ESRRG: variants seen among roughly 807,000 people sequenced by gnomAD.
ESRRG encodes the protein estrogen related receptor gamma.
Under a neutral mutation model 44.0 loss-of-function variants are expected in ESRRG, and 13 were observed. That is an observed-to-expected ratio of 0.30 (90% confidence interval 0.19 to 0.47). The LOEUF is 0.47. Ranked by LOEUF, ESRRG falls within the 20% of genes least tolerant of loss-of-function variation. The probability of loss-of-function intolerance (pLI) is 1.00; values close to 1 mark genes in which losing one functional copy is unlikely to be tolerated. For missense variants in ESRRG, 395 were observed against 580.6 expected, an observed-to-expected ratio of 0.68 and a Z score of 3.29; for synonymous variants, 215 against 214.6, an observed-to-expected ratio of 1.00 and a Z score of -0.02.
chr1:217,123,754 G>A (rs1463626516), intron 1 of ESRRG, among the ~76,000 whole-genome samples: 3 of 151,934 alleles, frequency 2.0e-5, no homozygotes, highest in Non-Finnish European at 2.9e-5. Context: ...AGCCTGTTAG[G>A]GGAGAGTAGG....
chr1:216,887,483 A>G (rs59213953), intron 2 of ESRRG, among the ~76,000 whole-genome samples: 3,177 of 152,322 alleles, frequency 0.021, 126 homozygotes, highest in African/African-American at 0.071. Context: ...GTTGTTAAAC[A>G]TGCTGTCGCT....
At chr1:216,889,752 C>T (rs983741730) in intron 2 of ESRRG, among the ~76,000 whole-genome samples, 1 of 152,110 alleles carries the variant, frequency 6.6e-6, no homozygotes, top group African/African-American at 2.4e-5. Flanking sequence ...CCACTGATTT[C>T]GCTTTCCTGA....
intron 2 of ESRRG, among the ~76,000 whole-genome samples, chr1:216,741,960 T>G (rs1200483120): frequency 6.6e-6 from 1 of 152,166 alleles, no homozygotes; most frequent in Non-Finnish European, 1.5e-5. Flanking sequence ...GTTTTTCTGC[T>G]TCTTTCTAAT....
chr1:216,798,413 G>T (rs2094530217), intron 2 of ESRRG, among the ~76,000 whole-genome samples: 1 of 152,154 alleles, frequency 6.6e-6, no homozygotes. Flanking sequence ...CATGTGCAAA[G>T]TTCTGGCATG....
intron 1 of ESRRG, among the ~76,000 whole-genome samples, chr1:217,081,805 T>C (rs1443498428): frequency 6.6e-6 from 1 of 152,186 alleles, no homozygotes; most frequent in African/African-American, 2.4e-5. Context: ...GAATTTATAA[T>C]ACTATTTCTA....
intron 2 of ESRRG, among the ~76,000 whole-genome samples, chr1:216,919,642 C>T (rs2061590476): frequency 6.6e-6 from 1 of 152,152 alleles, no homozygotes; most frequent in Non-Finnish European, 1.5e-5. Flanking sequence ...AGCTAGGCCC[C>T]CTCTCTAGAA....
intron 1 of ESRRG, among the ~76,000 whole-genome samples, chr1:216,695,215 A>G (rs2079898614): frequency 1.3e-5 from 2 of 151,948 alleles, no homozygotes; most frequent in Admixed American, 1.3e-4. Flanking sequence ...ATTATATAAT[A>G]TAAAAACAAA....
chr1:217,030,001 A>G (rs1031505870), intron 1 of ESRRG, among the ~76,000 whole-genome samples: 1 of 152,140 alleles, frequency 6.6e-6, no homozygotes, highest in African/African-American at 2.4e-5. Flanking sequence ...GGGAAAAGAG[A>G]AAAACCGAAG....
chr1:216,918,078 C>T (rs1431800074), intron 2 of ESRRG, among the ~76,000 whole-genome samples: 2 of 152,068 alleles, frequency 1.3e-5, no homozygotes, highest in Non-Finnish European at 1.5e-5. Flanking sequence ...TTTATGAGCC[C>T]TTTAAAGTTG....
In ESRRG at chr1:216,583,489, T is replaced by A. The variant is rs533878394; in HGVS notation, c.590-15391A>T. On this transcript the variant is annotated intron_variant, in intron 3 of 6. Coordinates refer to ENST00000408911, the MANE Select transcript of ESRRG (RefSeq NM_001438.4). ...ATCCCCTTGGAAGTTGTCATTGCAG[T>A]GCCCTCATCAGTCAAGAAGGTTGCT... Among the ~76,000 whole-genome samples the A allele has an allele frequency of 2.6e-5, 4 of 152,356 alleles. No individual in the cohort carries two copies. In the East Asian group the frequency reaches 7.7e-4, roughly 29 times the overall value.
chr1:216,875,856 A>C (rs2096343529), intron 2 of ESRRG, among the ~76,000 whole-genome samples: 1 of 150,780 alleles, frequency 6.6e-6, no homozygotes, highest in Non-Finnish European at 1.5e-5. Context: ...TGGTTTTCCC[A>C]ATCTACACTC....
intron 2 of ESRRG, among the ~76,000 whole-genome samples, chr1:216,880,183 T>C (rs1056142616): frequency 2.0e-5 from 3 of 150,754 alleles, no homozygotes; most frequent in Non-Finnish European, 3.0e-5. Context: ...GGTGGGCGCC[T>C]GTAATCTCAG....
intron 1 of ESRRG, among the ~76,000 whole-genome samples, chr1:217,098,473 C>T (rs1260867889): frequency 2.0e-5 from 3 of 152,118 alleles, no homozygotes; most frequent in Non-Finnish European, 4.4e-5. Flanking sequence ...TGGCACATTC[C>T]AGTCTCATAC....
chr1:216,947,703 A>G (rs537525878), intron 1 of ESRRG, among the ~76,000 whole-genome samples: 1 of 152,328 alleles, frequency 6.6e-6, no homozygotes, highest in African/African-American at 2.4e-5. Context: ...CTTAGCAAAT[A>G]AAAAGATCCA....
chr1:216,805,951 C>T (rs2094779507), intron 2 of ESRRG, among the ~76,000 whole-genome samples: 1 of 152,132 alleles, frequency 6.6e-6, no homozygotes, highest in African/African-American at 2.4e-5. Context: ...AGAACCCAAA[C>T]GTGGTTAGCT....
chr1:217,133,403 G>A (rs1025529986), intron 1 of ESRRG, among the ~76,000 whole-genome samples: 8 of 152,258 alleles, frequency 5.3e-5, no homozygotes, highest in African/African-American at 9.6e-5. Context: ...TAAAATTGCC[G>A]GAGGTACTGG....
chr1:216,577,327 T>C (rs1374803507), intron 3 of ESRRG, among the ~76,000 whole-genome samples: 2 of 152,120 alleles, frequency 1.3e-5, no homozygotes, highest in African/African-American at 4.8e-5. Flanking sequence ...CTATGGTTCA[T>C]ACATATCTAA....
rs149563258 is a variant in ESRRG, at chr1:216,868,340, G to C, written c.-14+71242C>G. Among the ~76,000 whole-genome samples the C allele has an allele frequency of 2.2e-3, 337 of 151,972 alleles. 7 individuals are homozygous for C. Among genetic ancestry groups the C allele is most frequent in the East Asian group, 0.022 (114 of 5,142 alleles). Reference sequence around the variant, plus strand: ...TGATCTCAGTTGAGCCACCCACCTCGGCCTCCCAAAGTGCTGGGATTACGG... The same window carrying C: ...TGATCTCAGTTGAGCCACCCACCTCCGCCTCCCAAAGTGCTGGGATTACGG... On this transcript the variant is annotated intron_variant, in intron 2 of 7. Transcript: ENST00000359162.
At chr1:216,871,017 C>T (rs868636220) in intron 2 of ESRRG, among the ~76,000 whole-genome samples, 25 of 151,896 alleles carry the variant, frequency 1.6e-4, no homozygotes, top group African/African-American at 6.0e-4. Flanking sequence ...GTATACTCTT[C>T]ATTCTACTTA....
Sources: allele counts gnomAD v4.1 joint callset (sites outside exome capture counted in the v4.1 genomes callset), GRCh38; gene constraint gnomAD v4.1.1; transcripts MANE v1.5; gene names NCBI Gene and HGNC (gene_info 2026-07-23, HGNC 2026-07-21).